The following MRPS5 variants were observed in gnomAD, a reference collection of about 807,000 sequenced individuals.
MRPS5 encodes the protein small ribosomal subunit protein uS5m.
In MRPS5, 27 loss-of-function variants were observed where a neutral mutation model predicts 51.9. The observed-to-expected ratio is 0.52, with a 90% CI of 0.38 to 0.72. The LOEUF is 0.72. Among genes scored for constraint, MRPS5 ranks in the 30% least tolerant of loss-of-function variants. The probability of loss-of-function intolerance (pLI) is 0.00; values close to 1 mark genes in which losing one functional copy is unlikely to be tolerated. For synonymous variants in MRPS5, 196 were observed against 193.2 expected, an observed-to-expected ratio of 1.01 and a Z score of -0.12; for missense variants, 570 against 545.7, an observed-to-expected ratio of 1.04 and a Z score of -0.44.
rs1220894548 is a variant in MRPS5, at chr2:95,087,250, C to A, written c.*107G>T. On this transcript the variant is annotated 3_prime_UTR_variant, in exon 12 of 12. Coordinates refer to ENST00000272418, the MANE Select transcript of MRPS5 (RefSeq NM_031902.5). ...ATTTCCAAAGAGTTTAAAGATTAAA[C>A]TTCCCTCAAAACAAACAAAAGGCAA... 3 of 768,070 alleles carry A rather than the reference C, an allele frequency of 3.9e-6. No homozygotes were observed. Among genetic ancestry groups the A allele is most frequent in the Admixed American group, 2.9e-5 (1 of 35,078 alleles). The allele number at this position is 768,070 out of a possible 1,614,324, so 47.6% of individuals were successfully genotyped here.
chr2:95,121,525 C>A (rs1419202615), intron 1 of MRPS5, among the ~76,000 whole-genome samples: 1 of 152,238 alleles, frequency 6.6e-6, no homozygotes, highest in African/African-American at 2.4e-5. Flanking sequence ...CCAGTTCCCC[C>A]TCATTTTACA....
chr2:95,114,258 CT>C lies in MRPS5; in HGVS notation c.277+807del, dbSNP rs1232500185. On this transcript the variant is annotated intron_variant, in intron 3 of 11. Coordinates refer to ENST00000272418, the MANE Select transcript of MRPS5 (RefSeq NM_031902.5). ...TGAATTGCCTTTATAATCCTAATTT[CT>C]TTTTTTTTTTCTTTTGGAGATGGAG... Among the ~76,000 whole-genome samples, 122 of 141,300 alleles carry C rather than the reference CT, an allele frequency of 8.6e-4. 1 individual carries two copies. The highest frequency in any genetic ancestry group is 3.5e-3 in the South Asian group (15 of 4,268). 92.7% of individuals were successfully genotyped at this position (141,300 alleles called of 152,430 possible).
intron 4 of MRPS5, 96 bp downstream of exon 4, chr2:95,109,820 A>G (rs1676064277): frequency 7.2e-7 from 1 of 1,397,424 alleles, no homozygotes; most frequent in Non-Finnish European, 9.7e-7. Flanking sequence ...TGCCCTTCAT[A>G]AGAAATGTTT....
intron 1 of MRPS5, among the ~76,000 whole-genome samples, chr2:95,119,835 G>A (rs1464921846): frequency 6.6e-6 from 1 of 152,158 alleles, no homozygotes; most frequent in Non-Finnish European, 1.5e-5. Flanking sequence ...GGCCAAGGCG[G>A]GAGGATTGCC....
At chr2:95,097,039 C>A (rs1295463933) in intron 10 of MRPS5, among the ~76,000 whole-genome samples, 1 of 152,164 alleles carries the variant, frequency 6.6e-6, no homozygotes, top group East Asian at 1.9e-4. Context: ...TTCTTATACA[C>A]CAATAACAGA....
At chr2:95,117,826 G>A (rs750025340) in intron 2 of MRPS5, 39 bp downstream of exon 2, 13 of 1,477,764 alleles carry the variant, frequency 8.8e-6, no homozygotes, top group Non-Finnish European at 1.1e-5. Context: ...TTTGACATTA[G>A]ATCTTATGAG....
intron 10 of MRPS5, among the ~76,000 whole-genome samples, chr2:95,098,957 T>C (rs1411948539): frequency 1.3e-5 from 2 of 150,472 alleles, no homozygotes; most frequent in East Asian, 1.9e-4. Flanking sequence ...CTTGCTCTTT[T>C]ACCCAAGCTG....
intron 4 of MRPS5, 25 bp from the exon 5 acceptor site, chr2:95,108,433 TA>T: frequency 6.4e-7 from 1 of 1,571,930 alleles, no homozygotes; most frequent in Non-Finnish European, 8.7e-7. Context: ...ATATAAATAA[TA>T]ATTTTGTTAA....
intron 10 of MRPS5, chr2:95,090,760 T>C (rs537107230): frequency 6.4e-6 from 3 of 466,696 alleles, no homozygotes; most frequent in South Asian, 3.1e-5. Context: ...TGAACACATT[T>C]TGAGGGCAAA....
chr2:95,108,070 T>C, intron 5 of MRPS5, 105 bp downstream of exon 5: 1 of 914,856 alleles, frequency 1.1e-6, no homozygotes. Flanking sequence ...AAATCTTTTT[T>C]GGAAAAAGGT....
At position 95,090,499 on chromosome 2, in the gene MRPS5, C is replaced by T; in HGVS notation, c.955G>A (p.Ala319Thr). 3.7e-6 allele frequency: 6 copies of T among 1,614,086 alleles called. No homozygotes were observed. The highest frequency in any genetic ancestry group is 5.1e-6 in the Non-Finnish European group (6 of 1,180,002). The change falls in exon 11 of 12, where the codon GCC (alanine) becomes ACC (threonine). Residue 319 changes from alanine to threonine, a missense_variant. Transcript: ENST00000272418. ...PKGYGLRCHR[A>T]IITICRLIGI... is the part of the protein sequence containing the mutation. ...ATGAGCCGGCAGATGGTGATGATGG[C>T]CCTGTGGCAGCGGAGGCCGTAACCT...
intron 5 of MRPS5, among the ~76,000 whole-genome samples, chr2:95,107,010 C>T (rs1675970080): frequency 1.3e-5 from 2 of 152,120 alleles, no homozygotes; most frequent in African/African-American, 2.4e-5. Context: ...TATGTCCTTT[C>T]GGTTAGGTCT....
chr2:95,088,981 C>G (rs1047526790), intron 11 of MRPS5, among the ~76,000 whole-genome samples: 21 of 152,080 alleles, frequency 1.4e-4, no homozygotes, highest in African/African-American at 5.1e-4. Flanking sequence ...GCAGGAGAAT[C>G]GCTTGAACCC....
intron 5 of MRPS5, 107 bp downstream of exon 5, chr2:95,108,068 T>C: frequency 1.1e-6 from 1 of 906,880 alleles, no homozygotes; most frequent in Non-Finnish European, 1.7e-6. Flanking sequence ...TCAAATCTTT[T>C]TTGGAAAAAG....
chr2:95,104,508 C>T, intron 7 of MRPS5, 132 bp downstream of exon 7: 1 of 904,682 alleles, frequency 1.1e-6, no homozygotes, highest in Non-Finnish European at 1.8e-6. Flanking sequence ...TTTGTGAACC[C>T]AAACCACTAA....
Position 95,121,738 on chromosome 2 carries a change from C to G in MRPS5, c.54G>C (p.Thr18=). ...TCCCGGCGTCCCAGCTCTCACCTGC[C>G]GTCCCGCTACACAGCACGGGGAGGC... ...VGCLPVLCSG[T]AGHLLGRQCS... is the part of the protein sequence containing the mutation. The change falls in exon 1 of 12, where the codon ACG becomes ACC. Residue 18 remains threonine, a synonymous_variant. Transcript: ENST00000272418. 6.5e-7 allele frequency: 1 copy of G among 1,547,730 alleles called. No individual in the cohort carries two copies. Among genetic ancestry groups the G allele is most frequent in the East Asian group, 2.5e-5 (1 of 40,672 alleles).
chr2:95,108,270 C>T lies in MRPS5; in HGVS notation c.542G>A (p.Arg181Gln), dbSNP rs1264383556. The T allele has an allele frequency of 6.2e-6, 10 of 1,614,154 alleles. No individual in the cohort carries two copies. Among genetic ancestry groups the T allele is most frequent in the Middle Eastern group, 3.3e-4 (2 of 6,062 alleles). ...CCGTTTAACCTTCATCTTCTTCTTTCGGTCCCACTCTTCTCTCTGCTGGAT... is the reference window on the plus strand; with the variant it reads ...CCGTTTAACCTTCATCTTCTTCTTTTGGTCCCACTCTTCTCTCTGCTGGAT... Reference protein sequence around the residue: ...DMIQQREEWDRKKKMKVKRER... With the variant: ...DMIQQREEWDQKKKMKVKRER... The change falls in exon 5 of 12, where the codon CGA (arginine) becomes CAA (glutamine). Residue 181 changes from arginine (R) to glutamine (Q), a missense_variant. Arg to Gln is a conservative substitution (Grantham distance 43). Transcript: ENST00000272418.
intron 7 of MRPS5, 162 bp downstream of exon 7, chr2:95,104,478 G>T (rs1015041427): frequency 9.7e-6 from 7 of 720,892 alleles, no homozygotes; most frequent in Admixed American, 2.0e-5. Flanking sequence ...TCTAAGGGAA[G>T]TCATGGACTT....
intron 3 of MRPS5, among the ~76,000 whole-genome samples, chr2:95,113,070 G>C (rs779833599): frequency 4.0e-4 from 61 of 152,136 alleles, no homozygotes; most frequent in Middle Eastern, 3.4e-3. Flanking sequence ...AAGAACACCA[G>C]TGAATGAAGA....
Sources: gnomAD v4.1 joint callset for allele counts (sites outside exome capture counted in the v4.1 genomes callset) on GRCh38, gnomAD v4.1.1 for gene constraint, MANE v1.5 for transcripts, NCBI Gene and HGNC (gene_info 2026-07-23, HGNC 2026-07-21) for gene names.